Variants in TF observed in about 807,000 individuals in gnomAD.
TF encodes transferrin.
In TF, 55 loss-of-function variants were observed where a neutral mutation model predicts 82.4. The ratio of observed to expected loss-of-function variants is 0.67; its 90% CI spans 0.54 to 0.84. The LOEUF (loss-of-function observed/expected upper bound fraction) is 0.84, where lower values mean the gene tolerates loss of function less well. Among genes scored for constraint, TF ranks in the 40% least tolerant of loss-of-function variants. The pLI, the probability that TF is intolerant of heterozygous loss-of-function variation, is 0.00. For missense variants in TF, 737 were observed against 868.4 expected (o/e 0.85, Z 1.90); for synonymous variants, 332 against 332.6 (o/e 1.00, Z 0.02).
intron 2 of TF, among the ~76,000 whole-genome samples, chr3:133,753,264 C>T (rs1576356727): frequency 6.6e-6 from 1 of 152,158 alleles, no homozygotes; most frequent in East Asian, 1.9e-4. Context: ...GTGGCGAGGG[C>T]GGCTTTCTCC....
chr3:133,778,016 AT>A (rs1357138058), intron 16 of TF: 3 of 161,042 alleles, frequency 1.9e-5, no homozygotes, highest in Non-Finnish European at 4.1e-5. Flanking sequence ...TGAGATACTG[AT>A]TTAGAAAGTC....
chr3:133,757,300 C>T (rs923725751), intron 7 of TF, among the ~76,000 whole-genome samples: 1 of 152,186 alleles, frequency 6.6e-6, no homozygotes, highest in Non-Finnish European at 1.5e-5. Context: ...AAAGCTAAAC[C>T]CCTCCCCAAG....
the TF span, among the ~76,000 whole-genome samples, chr3:133,737,901 C>T: frequency 6.6e-6 from 1 of 152,184 alleles, no homozygotes; most frequent in Non-Finnish European, 1.5e-5. Flanking sequence ...AGAGCTGGTA[C>T]CATTCCTTCT....
chr3:133,680,957 G>A, the TF span, among the ~76,000 whole-genome samples: 1 of 152,180 alleles, frequency 6.6e-6, no homozygotes, highest in African/African-American at 2.4e-5. Flanking sequence ...AAAGAAACGT[G>A]CTTGGCACAC....
At chr3:133,678,732 T>G in the TF span, among the ~76,000 whole-genome samples, 1 of 152,240 alleles carries the variant, frequency 6.6e-6, no homozygotes, top group Non-Finnish European at 1.5e-5. Context: ...GTAAATTTGT[T>G]TAAGTTCCTT....
Position 133,780,031 on chromosome 3 carries a change from T to C in TF, c.*1411T>C, listed in dbSNP as rs1327813995. ...ACTTCAGTTGGCTCCTTTCTTTTCC[T>C]GACTCCTAACACAGCCTCATCTTAT... is the stretch of plus-strand genomic sequence containing the variant. On this transcript the variant is annotated 3_prime_UTR_variant, in exon 17 of 17. Transcript: ENST00000402696. The C allele has an allele frequency of 6.6e-6, 1 of 152,222 alleles. No homozygotes were observed. The highest frequency in any genetic ancestry group is 1.5e-5 in the Non-Finnish European group (1 of 68,036). The allele number at this position is 152,222 out of a possible 1,614,324, so 9.4% of individuals were successfully genotyped here.
At chr3:133,733,542 G>T in the TF span, among the ~76,000 whole-genome samples, 4 of 152,198 alleles carry the variant, frequency 2.6e-5, no homozygotes, top group Non-Finnish European at 5.9e-5. Context: ...AGCCTGGGGG[G>T]TCAAGTGGAA....
At chr3:133,673,821 A>C in the TF span, among the ~76,000 whole-genome samples, 34 of 152,338 alleles carry the variant, frequency 2.2e-4, 1 homozygote, top group African/African-American at 6.0e-4. Context: ...CGTTCTATGC[A>C]TATTTATTAT....
At chr3:133,765,745 A>G (rs1185254160) in intron 11 of TF, among the ~76,000 whole-genome samples, 2 of 152,212 alleles carry the variant, frequency 1.3e-5, no homozygotes, top group Non-Finnish European at 2.9e-5. Flanking sequence ...TCTATTTCCC[A>G]TTTTAAGGAC....
At chr3:133,695,802 T>C in the TF span, among the ~76,000 whole-genome samples, 1 of 152,174 alleles carries the variant, frequency 6.6e-6, no homozygotes, top group Non-Finnish European at 1.5e-5. Context: ...AAATAAGAGT[T>C]ACTGGAACAC....
chr3:133,682,331 C>T, the TF span, among the ~76,000 whole-genome samples: 87 of 152,254 alleles, frequency 5.7e-4, no homozygotes, highest in Middle Eastern at 3.4e-3. Flanking sequence ...CCACCAGCAA[C>T]GGAATAAAGC....
At chr3:133,737,780 G>T in the TF span, among the ~76,000 whole-genome samples, 2 of 152,146 alleles carry the variant, frequency 1.3e-5, no homozygotes, top group African/African-American at 2.4e-5. Flanking sequence ...TCAAATCCTT[G>T]CATAGACCAA....
intron 1 of TF, chr3:133,747,396 G>A (rs1291419680): frequency 1.3e-5 from 2 of 152,282 alleles, no homozygotes; most frequent in Admixed American, 1.3e-4. Flanking sequence ...TGGGCCAAGA[G>A]GGAAAATGGG....
chr3:133,678,712 G>A, the TF span, among the ~76,000 whole-genome samples: 10 of 152,084 alleles, frequency 6.6e-5, no homozygotes, highest in East Asian at 3.9e-4. Flanking sequence ...GGGGTTGTTT[G>A]CTTTTTCTTG....
chr3:133,749,156 A>G (rs1217259153), intron 2 of TF, among the ~76,000 whole-genome samples: 3 of 152,168 alleles, frequency 2.0e-5, no homozygotes, highest in Non-Finnish European at 4.4e-5. Context: ...GTGAGGCTCC[A>G]TCTCAAAATA....
In TF at chr3:133,757,081, A is replaced by G. The variant is rs1019382577; in HGVS notation, c.870+72A>G. ...GGATTTGGGGGTTTTCCTCCTGGCCATCTTGTCACTCTGGAAGTCTGTGTG... is the reference window on the plus strand; with the variant it reads ...GGATTTGGGGGTTTTCCTCCTGGCCGTCTTGTCACTCTGGAAGTCTGTGTG... On this transcript the variant is annotated intron_variant, in intron 7 of 16. Coordinates refer to ENST00000402696, the MANE Select transcript of TF (RefSeq NM_001063.4). The G allele has an allele frequency of 3.1e-6, 5 of 1,588,634 alleles. No homozygotes were observed. The African/African-American group carries it at 6.7e-5, about 21-fold the overall frequency.
In TF at chr3:133,759,219, G is replaced by A. The variant is rs201821346; in HGVS notation, c.1093G>A (p.Ala365Thr). Residue 365 changes from alanine to threonine, a missense_variant, in exon 9 of 17, where the codon GCG becomes ACG. By Grantham distance (58) the Ala-to-Thr change is moderately conservative. Transcript: ENST00000402696. ...TGAATGCAAGCCTGTGAAGTGGTGT[G>A]CGCTGAGCCACCACGAGAGGCTCAA... ...TDECKPVKWCALSHHERLKCD... is the reference protein window; with the variant it reads ...TDECKPVKWCTLSHHERLKCD... 16 of 1,614,018 alleles carry A rather than the reference G, an allele frequency of 9.9e-6. No individual in the cohort carries two copies. Among genetic ancestry groups the A allele is most frequent in the Non-Finnish European group, 1.3e-5 (15 of 1,180,020 alleles).
chr3:133,723,721 T>C, the TF span, among the ~76,000 whole-genome samples: 1 of 150,812 alleles, frequency 6.6e-6, no homozygotes, highest in Non-Finnish European at 1.5e-5. Flanking sequence ...GTTAGTTACA[T>C]ATGTATACAT....
intron 5 of TF, among the ~76,000 whole-genome samples, chr3:133,756,024 GT>G (rs1933818614): frequency 6.6e-6 from 1 of 152,132 alleles, no homozygotes; most frequent in Non-Finnish European, 1.5e-5. Flanking sequence ...TATTCCAGAA[GT>G]TTAAAAGCTC....
Sources: allele counts gnomAD v4.1 joint callset (sites outside exome capture counted in the v4.1 genomes callset), GRCh38; gene constraint gnomAD v4.1.1; transcripts MANE v1.5; gene names NCBI Gene and HGNC (gene_info 2026-07-23, HGNC 2026-07-21).